Variants in PPM1A observed in about 807,000 individuals in gnomAD.
PPM1A encodes the protein protein phosphatase, Mg2+/Mn2+ dependent 1A, also known as protein phosphatase 1A.
In PPM1A, 7 loss-of-function variants were observed where a neutral mutation model predicts 35.0. That is an observed-to-expected ratio of 0.20 (90% CI 0.11 to 0.38). The LOEUF (loss-of-function observed/expected upper bound fraction) is 0.38. Among genes scored for constraint, PPM1A ranks in the 10% least tolerant of loss-of-function variants. The pLI, the probability that PPM1A is intolerant of heterozygous loss-of-function variation, is 1.00. For missense variants in PPM1A, 239 were observed against 467.8 expected, an observed-to-expected ratio of 0.51 and a Z score of 4.51; for synonymous variants, 153 against 167.3, an observed-to-expected ratio of 0.91 and a Z score of 0.66.
Position 60,291,187 on chromosome 14 carries a change from A to G in PPM1A, c.1062-210A>G, listed in dbSNP as rs545889981. ...CTATTAACTGGGTTGGTAGAGTGTTATAACACATTTTAGAGTAGACTCACC... is the reference window on the plus strand; with the variant it reads ...CTATTAACTGGGTTGGTAGAGTGTTGTAACACATTTTAGAGTAGACTCACC... On this transcript the variant is annotated intron_variant, in intron 4 of 5. Coordinates refer to ENST00000395076, the MANE Select transcript of PPM1A (RefSeq NM_021003.5). 5.9e-5 allele frequency among the ~76,000 whole-genome samples: 9 copies of G among 152,170 alleles called. No individual in the cohort carries two copies. The South Asian group carries it at 1.7e-3, about 28-fold the overall frequency.
intron 1 of PPM1A, chr14:60,268,321 G>GA (rs1034179962): frequency 0.045 from 31,081 of 683,186 alleles, 57 homozygotes; most frequent in Non-Finnish European, 0.051. Context: ...AGCACTAATT[G>GA]AAAAAAAAAA....
At position 60,249,232 on chromosome 14, in the gene PPM1A, C is replaced by CGGCGGCGGCGGCGGT. The variant is rs1158459234; in HGVS notation, c.-458_-457insCGGCGGTGGCGGCGG. The CGGCGGCGGCGGCGGT allele has an allele frequency of 4.0e-6, 4 of 987,782 alleles. No homozygotes were observed. In the African/African-American group the frequency reaches 7.0e-5, roughly 17 times the overall value. 61.2% of individuals were successfully genotyped at this position (987,782 alleles called of 1,614,324 possible). A position where few individuals can be genotyped will look rare whatever the true frequency, so the allele number is the denominator to read the frequency against. Reference sequence around the variant, plus strand: ...CGCGGGGCCGCGCTAGAGGCGGCGGCGGCGGCGGTGGCGGCGCTAGGGACG... The same window carrying CGGCGGCGGCGGCGGT: ...CGCGGGGCCGCGCTAGAGGCGGCGGCGGCGGCGGCGGCGGTGGCGGCGGTGGCGGCGCTAGGGACG... On this transcript the variant is annotated 5_prime_UTR_variant, in exon 1 of 6. Transcript: ENST00000395076. This position sits in a 1 kb window ranked among gnomAD's most constrained non-coding sequence, Gnocchi z 4.5.
At chr14:60,281,098 C>A (rs527275434) in intron 1 of PPM1A, among the ~76,000 whole-genome samples, 1 of 152,212 alleles carries the variant, frequency 6.6e-6, no homozygotes, top group South Asian at 2.1e-4. Context: ...AAAACACTTA[C>A]CAGAGGGACT....
At chr14:60,251,331 A>T (rs760907743) in intron 1 of PPM1A, among the ~76,000 whole-genome samples, 1 of 152,266 alleles carries the variant, frequency 6.6e-6, no homozygotes, top group Non-Finnish European at 1.5e-5. Flanking sequence ...TACCTCAATT[A>T]TATTTGAGAA....
In PPM1A at chr14:60,296,913, C is replaced by G. The variant is rs1237293497; in HGVS notation, c.*4431C>G. On this transcript the variant is annotated 3_prime_UTR_variant, in exon 6 of 6. Transcript: ENST00000395076. This position sits in a 1 kb window ranked among gnomAD's most constrained non-coding sequence, Gnocchi z 4.4. ...GTTCTGTATGTTAAGATAGTGGCTT[C>G]TGCTCTCACTGTTTTCCTATTTATA... The G allele has an allele frequency of 3.6e-6, 1 of 279,784 alleles. No homozygotes were observed. Among genetic ancestry groups the G allele is most frequent in the African/African-American group, 2.2e-5 (1 of 46,294 alleles). The allele number at this position is 279,784 out of a possible 1,614,324, so 17.3% of individuals were successfully genotyped here.
At chr14:60,281,231 A>T (rs1300010009) in intron 1 of PPM1A, among the ~76,000 whole-genome samples, 1 of 152,214 alleles carries the variant, frequency 6.6e-6, no homozygotes, top group Non-Finnish European at 1.5e-5. Context: ...TCTGATAAAT[A>T]TCACCATAAG....
At position 60,273,969 on chromosome 14, in the gene PPM1A, G is replaced by A. The variant is rs1163323430; in HGVS notation, c.-20-8715G>A. On this transcript the variant is annotated intron_variant, in intron 1 of 5. Coordinates refer to ENST00000395076, the MANE Select transcript of PPM1A (RefSeq NM_021003.5). The surrounding 1 kb of genome is among the most constrained non-coding windows in gnomAD (Gnocchi z 4.3). The stretch of plus-strand genomic sequence containing the variant: ...GTATGCAACACCGCACCCAGTGAAT[G>A]TTCTTGGTTTGTATTCACCTTGGTG... Among the ~76,000 whole-genome samples the A allele has an allele frequency of 2.0e-5, 3 of 152,176 alleles. No individual in the cohort carries two copies. The highest frequency in any genetic ancestry group is 6.5e-5 in the Admixed American group (1 of 15,274).
chr14:60,260,000 A>G (rs1476624696), intron 1 of PPM1A, among the ~76,000 whole-genome samples: 1 of 152,128 alleles, frequency 6.6e-6, no homozygotes, highest in East Asian at 1.9e-4. Context: ...AAGAACATCA[A>G]AAGTGGCAAG....
intron 1 of PPM1A, among the ~76,000 whole-genome samples, chr14:60,265,833 G>A (rs1379054207): frequency 6.6e-6 from 1 of 152,122 alleles, no homozygotes; most frequent in Non-Finnish European, 1.5e-5. Context: ...TAAGATAAGG[G>A]CATTACTCAA....
intron 1 of PPM1A, among the ~76,000 whole-genome samples, chr14:60,255,846 C>G (rs912121768): frequency 1.3e-5 from 2 of 152,228 alleles, no homozygotes; most frequent in Admixed American, 1.3e-4. Context: ...TTCATTTTAA[C>G]TTCCTACATT....
At chr14:60,271,764 T>C (rs1420234077) in intron 1 of PPM1A, among the ~76,000 whole-genome samples, 1 of 152,206 alleles carries the variant, frequency 6.6e-6, no homozygotes, top group African/African-American at 2.4e-5. Flanking sequence ...TCTTATAATC[T>C]TGATATTGAG....
At chr14:60,278,489 T>G (rs1375043039) in intron 1 of PPM1A, among the ~76,000 whole-genome samples, 1 of 152,182 alleles carries the variant, frequency 6.6e-6, no homozygotes, top group African/African-American at 2.4e-5. Flanking sequence ...TGCTTCAAAG[T>G]CCAGGAAACA....
Position 60,283,991 on chromosome 14 carries a change from T to G in PPM1A, c.834+454T>G, listed in dbSNP as rs541927033. Among the ~76,000 whole-genome samples, 47 of 152,342 alleles carry G rather than the reference T, an allele frequency of 3.1e-4. No homozygotes were observed. The highest frequency in any genetic ancestry group is 1.0e-3 in the African/African-American group (43 of 41,584). ...CTTGAAAGAGGAATGTAGTGATCAT[T>G]AGACGTGATGTAATAGAAATAGCCT... is the stretch of plus-strand genomic sequence containing the variant. On this transcript the variant is annotated intron_variant, in intron 2 of 5. Transcript: ENST00000395076. This position sits in a 1 kb window ranked among gnomAD's most constrained non-coding sequence, Gnocchi z 6.3.
rs1294548170 is a variant in PPM1A at position 60,249,520 on chromosome 14, C to G, written c.-178C>G. 1.5e-5 allele frequency: 15 copies of G among 985,086 alleles called. No individual in the cohort carries two copies. Among genetic ancestry groups the G allele is most frequent in the Non-Finnish European group, 1.8e-5 (15 of 829,590 alleles). The allele number at this position is 985,086 out of a possible 1,614,324, so 61.0% of individuals were successfully genotyped here. ...CGGGGGCCCGGACGCAGCCCGGCTC[C>G]TCCCCTCCTCCGCCCCTTCCCCAGC... On this transcript the variant is annotated 5_prime_UTR_variant, in exon 1 of 6. Coordinates refer to ENST00000395076, the MANE Select transcript of PPM1A (RefSeq NM_021003.5). The surrounding 1 kb of genome is among the most constrained non-coding windows in gnomAD (Gnocchi z 4.5).
chr14:60,269,844 C>T (rs894618639), intron 1 of PPM1A, among the ~76,000 whole-genome samples: 14 of 152,162 alleles, frequency 9.2e-5, no homozygotes, highest in Admixed American at 9.2e-4. Context: ...CCATCGTGCC[C>T]AGCCGATGGC....
At chr14:60,246,203 C>T (rs1324779340), upstream of PPM1A, among the ~76,000 whole-genome samples, 2 of 152,050 alleles carry the variant, frequency 1.3e-5, no homozygotes, top group Admixed American at 1.3e-4. Context: ...TTTGAGAGGC[C>T]CAGGCAAGTC....
chr14:60,282,366 A>T lies in PPM1A; in HGVS notation c.-20-318A>T, dbSNP rs1886504064. ...ATACAACTTAGTCCTGAGCTTACAC[A>T]TGTTCATTGTATCATTAAACATTTA... On this transcript the variant is annotated intron_variant, in intron 1 of 5. Coordinates refer to ENST00000395076, the MANE Select transcript of PPM1A (RefSeq NM_021003.5). This position sits in a 1 kb window ranked among gnomAD's most constrained non-coding sequence, Gnocchi z 5.1. Among the ~76,000 whole-genome samples the T allele has an allele frequency of 6.6e-6, 1 of 152,230 alleles. No homozygotes were observed. Among genetic ancestry groups the T allele is most frequent in the Non-Finnish European group, 1.5e-5 (1 of 68,040 alleles).
At chr14:60,268,413 A>C in intron 1 of PPM1A, 1 of 967,044 alleles carries the variant, frequency 1.0e-6, no homozygotes, top group South Asian at 4.8e-5. Context: ...TTTATTTTAC[A>C]ACAATAAAAT....
In PPM1A at chr14:60,249,558, G is replaced by C; in HGVS notation, c.-140G>C. 1.0e-6 allele frequency: 1 copy of C among 985,656 alleles called. No individual in the cohort carries two copies. The highest frequency in any genetic ancestry group is 1.2e-6 in the Non-Finnish European group (1 of 829,924). 61.1% of individuals were successfully genotyped at this position (985,656 alleles called of 1,614,324 possible). On this transcript the variant is annotated 5_prime_UTR_variant, in exon 1 of 6. Coordinates refer to ENST00000395076, the MANE Select transcript of PPM1A (RefSeq NM_021003.5). The surrounding 1 kb of genome is among the most constrained non-coding windows in gnomAD (Gnocchi z 4.5). The stretch of plus-strand genomic sequence containing the variant: ...CCCCTTCCCCAGCCTGACCTGGCCC[G>C]CCGCTGCAGCGGTGACCCCTCCCCC...
Sources: allele counts gnomAD v4.1 joint callset (sites outside exome capture counted in the v4.1 genomes callset), GRCh38; gene constraint gnomAD v4.1.1; non-coding constraint Gnocchi (gnomAD v3.1); transcripts MANE v1.5; gene names NCBI Gene and HGNC (gene_info 2026-07-23, HGNC 2026-07-21).